Variants in BCAS4 observed in about 807,000 individuals in gnomAD.
BCAS4 encodes breast carcinoma-amplified sequence 4.
In BCAS4, 9 loss-of-function variants were observed where a neutral mutation model predicts 15.7. The ratio of observed to expected loss-of-function variants is 0.57; its 90% CI spans 0.34 to 1.00. BCAS4 has a LOEUF of 1.00. Ranked by LOEUF, BCAS4 falls within the 50% of genes least tolerant of loss-of-function variation. The pLI, the probability that BCAS4 is intolerant of heterozygous loss-of-function variation, is 0.02. For missense variants in BCAS4, 225 were observed against 239.1 expected, an observed-to-expected ratio of 0.94 and a Z score of 0.39; for synonymous variants, 101 against 99.5, an observed-to-expected ratio of 1.02 and a Z score of -0.09.
rs757281364 is a variant in BCAS4 at position 50,817,103 on chromosome 20, A to ATT, written c.91-1094_91-1093dup. 9.9e-3 allele frequency among the ~76,000 whole-genome samples: 1,426 copies of ATT among 143,610 alleles called. 28 individuals are homozygous for ATT. Among genetic ancestry groups the ATT allele is most frequent in the African/African-American group, 0.035 (1,371 of 39,314 alleles). 94.2% of individuals were successfully genotyped at this position (143,610 alleles called of 152,430 possible). On this transcript the variant is annotated intron_variant, in intron 1 of 4. Transcript: ENST00000371608. Reference sequence around the variant, plus strand: ...GGCGTGAGCCAGTGCACCTGGGCTAATTTTTTTTTTTTTTTAAAGGGATGG... The same window carrying ATT: ...GGCGTGAGCCAGTGCACCTGGGCTAATTTTTTTTTTTTTTTTTAAAGGGATGG...
chr20:50,867,259 T>C (rs1979403757), intron 4 of BCAS4, among the ~76,000 whole-genome samples: 2 of 152,194 alleles, frequency 1.3e-5, no homozygotes, highest in Admixed American at 1.3e-4. Context: ...AGTCATCATG[T>C]CTCCCCAGCC....
rs138480102 is a variant in BCAS4, at chr20:50,815,196, C to T, written c.91-3015C>T. On this transcript the variant is annotated intron_variant, in intron 1 of 4. Coordinates refer to ENST00000371608, the MANE Select transcript of BCAS4 (RefSeq NM_198799.4). ...GAGGGTAAGGTGAACCCAGAAGTGC[C>T]GTGACCACGCCGTGCCCTTCCTGAG... Among the ~76,000 whole-genome samples, 418 of 152,248 alleles carry T rather than the reference C, an allele frequency of 2.7e-3. 3 individuals carry two copies. The highest frequency in any genetic ancestry group is 9.7e-3 in the African/African-American group (402 of 41,552).
intron 1 of BCAS4, among the ~76,000 whole-genome samples, chr20:50,800,080 C>T (rs1205352141): frequency 6.6e-6 from 1 of 152,052 alleles, no homozygotes. Context: ...GTAACAAAAC[C>T]TCTAAACTGT....
chr20:50,876,069 G>A (rs1457543795), intron 4 of BCAS4: 8 of 454,762 alleles, frequency 1.8e-5, no homozygotes, highest in South Asian at 6.2e-5. Context: ...TCCTGCCTCC[G>A]CCTCCCAAGT....
intron 2 of BCAS4, 77 bp from the exon 3 acceptor site, chr20:50,830,202 C>A: frequency 7.9e-7 from 1 of 1,260,132 alleles, no homozygotes; most frequent in Non-Finnish European, 1.2e-6. Context: ...CTGTGTAGAC[C>A]CTGGCCAACC....
intron 1 of BCAS4, among the ~76,000 whole-genome samples, chr20:50,813,272 C>A (rs2088094696): frequency 6.6e-6 from 1 of 152,182 alleles, no homozygotes; most frequent in Non-Finnish European, 1.5e-5. Context: ...CCTCGCCAGC[C>A]CTCATCATTT....
At chr20:50,832,486 G>A (rs954657027) in intron 3 of BCAS4, among the ~76,000 whole-genome samples, 8 of 152,000 alleles carry the variant, frequency 5.3e-5, no homozygotes, top group Non-Finnish European at 1.0e-4. Flanking sequence ...TCGAACTCCC[G>A]ACCTCAAGAG....
intron 4 of BCAS4, among the ~76,000 whole-genome samples, chr20:50,852,694 A>C (rs1300902549): frequency 2.6e-5 from 4 of 152,222 alleles, no homozygotes; most frequent in Non-Finnish European, 5.9e-5. Context: ...GGCCTTGCAC[A>C]TTTTAAAAGA....
intron 4 of BCAS4, among the ~76,000 whole-genome samples, chr20:50,850,892 T>A (rs753975392): frequency 1.3e-5 from 2 of 152,206 alleles, no homozygotes; most frequent in Non-Finnish European, 2.9e-5. Flanking sequence ...GTCCAGGCAC[T>A]GGAAGGCTGG....
In BCAS4 at chr20:50,841,839, G is replaced by C; in HGVS notation, c.338G>C (p.Gly113Ala). The change falls in exon 4 of 5, where the codon GGG becomes GCG. Residue 113 changes from glycine (G) to alanine (A), a missense_variant. Gly to Ala is a moderately conservative substitution (Grantham distance 60, BLOSUM62 0). Coordinates refer to ENST00000371608, the MANE Select transcript of BCAS4 (RefSeq NM_198799.4). The stretch of plus-strand genomic sequence containing the variant: ...GTGCTTCAGGCTGAGCGGGACCATG[G>C]GGCCTTCCCTCAGGCCCTGCGGAGG... ...ADVLQAERDH[G>A]AFPQALRRWL... 1 of 1,613,142 alleles carries C rather than the reference G, an allele frequency of 6.2e-7. No homozygotes were observed. The highest frequency in any genetic ancestry group is 8.5e-7 in the Non-Finnish European group (1 of 1,179,564).
intron 1 of BCAS4, among the ~76,000 whole-genome samples, chr20:50,811,259 A>G (rs2088059405): frequency 6.6e-6 from 1 of 152,086 alleles, no homozygotes; most frequent in African/African-American, 2.4e-5. Context: ...CAGCTACTCA[A>G]GAGGCTGAGG....
At chr20:50,868,045 A>C (rs906259180) in intron 4 of BCAS4, among the ~76,000 whole-genome samples, 1 of 152,182 alleles carries the variant, frequency 6.6e-6, no homozygotes, top group African/African-American at 2.4e-5. Context: ...TATTTTGAAC[A>C]ATACCCTTTA....
chr20:50,822,626 T>A (rs1412315897), intron 2 of BCAS4, among the ~76,000 whole-genome samples: 1 of 151,806 alleles, frequency 6.6e-6, no homozygotes, highest in Admixed American at 6.6e-5. Flanking sequence ...AGCTTGGCAG[T>A]TTCTTACAGG....
At chr20:50,831,428 A>G (rs1366349878) in intron 3 of BCAS4, among the ~76,000 whole-genome samples, 1 of 152,046 alleles carries the variant, frequency 6.6e-6, no homozygotes, top group Non-Finnish European at 1.5e-5. Context: ...AGAAAAAAAA[A>G]TGGGTGGAGC....
Position 50,841,910 on chromosome 20 carries a change from C to T in BCAS4, c.399+10C>T. ...CCCCTCCTTCAGGAACGTGAGTATCCTGCCCCGAGAAGTGAGGGGAGGGCC... is the reference window on the plus strand; with the variant it reads ...CCCCTCCTTCAGGAACGTGAGTATCTTGCCCCGAGAAGTGAGGGGAGGGCC... On this transcript the variant is annotated intron_variant, in intron 4 of 4. Transcript: ENST00000371608. The T allele has an allele frequency of 6.4e-7, 1 of 1,561,666 alleles. No homozygotes were observed. Among genetic ancestry groups the T allele is most frequent in the Non-Finnish European group, 8.7e-7 (1 of 1,152,610 alleles).
At chr20:50,861,880 T>C (rs1276599358) in intron 4 of BCAS4, among the ~76,000 whole-genome samples, 1 of 145,590 alleles carries the variant, frequency 6.9e-6, no homozygotes, top group African/African-American at 2.6e-5. Flanking sequence ...TAGATACGGG[T>C]TCTTGCTCTG....
chr20:50,838,676 C>T (rs145033991), intron 3 of BCAS4, among the ~76,000 whole-genome samples: 1 of 152,196 alleles, frequency 6.6e-6, no homozygotes, highest in East Asian at 1.9e-4. Flanking sequence ...GAAACTCCGT[C>T]TCTACTAAAA....
intron 3 of BCAS4, among the ~76,000 whole-genome samples, chr20:50,837,222 T>A (rs745645874): frequency 6.6e-6 from 1 of 152,170 alleles, no homozygotes; most frequent in Non-Finnish European, 1.5e-5. Flanking sequence ...AAAGTTTATG[T>A]TCCCCCCTCC....
In BCAS4 at chr20:50,851,391, G is replaced by A. The variant is rs187315418; in HGVS notation, c.399+9491G>A. 3.5e-3 allele frequency among the ~76,000 whole-genome samples: 527 copies of A among 152,268 alleles called. 3 individuals carry two copies. The highest frequency in any genetic ancestry group is 5.5e-3 in the Non-Finnish European group (376 of 68,020). On this transcript the variant is annotated intron_variant, in intron 4 of 4. Transcript: ENST00000371608. The surrounding 1 kb of genome is among the most constrained non-coding windows in gnomAD (Gnocchi z 4.3). ...CGGCTCCCAGGGACCTCCCGGGTTC[G>A]TTTCCTTCAAGGTCTTTGGTGGAGT...
Sources: gnomAD v4.1 joint callset for allele counts (sites outside exome capture counted in the v4.1 genomes callset) on GRCh38, gnomAD v4.1.1 for gene constraint, Gnocchi (gnomAD v3.1) non-coding constraint, MANE v1.5 for transcripts, NCBI Gene and HGNC (gene_info 2026-07-23, HGNC 2026-07-21) for gene names.